Variants in AUTS2 observed in about 807,000 individuals in gnomAD.
AUTS2 encodes activator of transcription and developmental regulator AUTS2.
Under a neutral mutation model 112.4 loss-of-function variants are expected in AUTS2, and 17 were observed. The observed-to-expected ratio is 0.15, with a 90% CI of 0.10 to 0.23. AUTS2 has a LOEUF of 0.23. Ranked by LOEUF, AUTS2 falls within the 10% of genes least tolerant of loss-of-function variation. The probability of loss-of-function intolerance (pLI) is 1.00; values close to 1 mark genes in which losing one functional copy is unlikely to be tolerated. For missense variants in AUTS2, 1,510 were observed against 1,701.6 expected (o/e 0.89, Z 1.98); for synonymous variants, 751 against 702.7 (o/e 1.07, Z -1.09).
intron 5 of AUTS2, among the ~76,000 whole-genome samples, chr7:70,460,338 CTTTTTTTTTTTTTT>C (rs10537541): frequency 1.0e-4 from 4 of 38,184 alleles, no homozygotes; most frequent in Non-Finnish European, 1.8e-4. Flanking sequence ...ACAGCCTGGT[CTTTTTTTTTTTTTT>C]TTTTTTTTTT....
intron 5 of AUTS2, among the ~76,000 whole-genome samples, chr7:70,449,577 C>T (rs1796447700): frequency 1.3e-5 from 2 of 152,178 alleles, no homozygotes; most frequent in Admixed American, 1.3e-4. Flanking sequence ...ATCTTCCTGC[C>T]ATTTGGATGA....
intron 5 of AUTS2, among the ~76,000 whole-genome samples, chr7:70,618,854 A>G (rs1359849227): frequency 2.0e-5 from 3 of 152,218 alleles, no homozygotes; most frequent in Non-Finnish European, 4.4e-5. Flanking sequence ...TTGTTAGAAC[A>G]TTGGCACTGC....
At chr7:70,474,981 C>T (rs1415376194) in intron 5 of AUTS2, among the ~76,000 whole-genome samples, 1 of 152,168 alleles carries the variant, frequency 6.6e-6, no homozygotes, top group Non-Finnish European at 1.5e-5. Flanking sequence ...AATCAGGTTA[C>T]CCTAGAGGGC....
At chr7:70,725,529 T>G (rs1786976388) in intron 6 of AUTS2, among the ~76,000 whole-genome samples, 1 of 152,214 alleles carries the variant, frequency 6.6e-6, no homozygotes, top group Non-Finnish European at 1.5e-5. Context: ...TTTTTGCAAC[T>G]GCCTAAGGAT....
chr7:69,935,423 G>T (rs906906218), intron 2 of AUTS2, among the ~76,000 whole-genome samples: 5 of 152,244 alleles, frequency 3.3e-5, no homozygotes, highest in East Asian at 1.9e-4. Context: ...ATTTTTTTAG[G>T]AAGCATTATT....
chr7:70,764,899 A>T lies in AUTS2; in HGVS notation c.1362A>T (p.Ser454=). ...FTPTLQPPAH[S]HHPNMFAPPT... ...CCACCCTCCAGCCCCCCGCACACTC[A>T]CATCACCCCAATATGTTTGCCCCTC... The change falls in exon 8 of 19, where the codon TCA becomes TCT. Residue 454 remains serine (S), a synonymous_variant. Transcript: ENST00000342771. The T allele has an allele frequency of 6.6e-7, 1 of 1,506,062 alleles. No individual in the cohort carries two copies. Among genetic ancestry groups the T allele is most frequent in the East Asian group, 2.6e-5 (1 of 38,428 alleles). 93.3% of individuals were successfully genotyped at this position (1,506,062 alleles called of 1,614,324 possible). A position where few individuals can be genotyped will look rare whatever the true frequency, so the allele number is the denominator to read the frequency against.
chr7:69,790,420 A>G (rs575206263), intron 1 of AUTS2, among the ~76,000 whole-genome samples: 1 of 152,320 alleles, frequency 6.6e-6, no homozygotes, highest in South Asian at 2.1e-4. Context: ...TGACAATGGG[A>G]GGAGAGGGAG....
chr7:69,794,992 C>G (rs569839849), intron 1 of AUTS2, among the ~76,000 whole-genome samples: 186 of 152,310 alleles, frequency 1.2e-3, no homozygotes, highest in African/African-American at 4.2e-3. Context: ...TGGAGCCGAT[C>G]TTCTTGAGTT....
intron 3 of AUTS2, among the ~76,000 whole-genome samples, chr7:70,122,986 C>T (rs1805767047): frequency 6.6e-6 from 1 of 151,250 alleles, no homozygotes; most frequent in Non-Finnish European, 1.5e-5. Context: ...AGCGATTCTC[C>T]TGCCTCAGCC....
At chr7:70,442,089 A>G (rs1415211157) in intron 5 of AUTS2, among the ~76,000 whole-genome samples, 3 of 152,184 alleles carry the variant, frequency 2.0e-5, no homozygotes, top group Non-Finnish European at 4.4e-5. Flanking sequence ...AGAAAGGAAT[A>G]TCTCCACCTT....
At chr7:70,329,995 G>C (rs1420918755) in intron 4 of AUTS2, among the ~76,000 whole-genome samples, 2 of 152,126 alleles carry the variant, frequency 1.3e-5, no homozygotes, top group African/African-American at 2.4e-5. Context: ...GAAGCCTCTT[G>C]TATAAAGGCC....
chr7:70,417,584 C>G (rs994684999), intron 4 of AUTS2, among the ~76,000 whole-genome samples: 1 of 152,186 alleles, frequency 6.6e-6, no homozygotes, highest in Non-Finnish European at 1.5e-5. Flanking sequence ...CTTACATGTT[C>G]CTTTTCCAAG....
chr7:70,349,055 G>A (rs1791633107), intron 4 of AUTS2, among the ~76,000 whole-genome samples: 2 of 152,250 alleles, frequency 1.3e-5, no homozygotes, highest in Admixed American at 1.3e-4. Context: ...TCATCTAATT[G>A]CTCCAAACCC....
At chr7:70,156,613 T>C (rs1807776432) in intron 4 of AUTS2, among the ~76,000 whole-genome samples, 3 of 152,092 alleles carry the variant, frequency 2.0e-5, no homozygotes, top group Admixed American at 2.0e-4. Flanking sequence ...TAGTTGAGAA[T>C]GTTTGTGATT....
chr7:70,382,903 A>G (rs1337918541), intron 4 of AUTS2, among the ~76,000 whole-genome samples: 1 of 152,218 alleles, frequency 6.6e-6, no homozygotes, highest in Non-Finnish European at 1.5e-5. Flanking sequence ...TAATGAAAGT[A>G]AAAACCACCT....
At chr7:70,130,470 G>A (rs190533992) in intron 3 of AUTS2, among the ~76,000 whole-genome samples, 29 of 152,260 alleles carry the variant, frequency 1.9e-4, no homozygotes, top group Non-Finnish European at 3.8e-4. Flanking sequence ...AGGAGAACAA[G>A]TGTTTAATGA....
At chr7:70,085,573 G>A (rs1273809015) in intron 2 of AUTS2, among the ~76,000 whole-genome samples, 1 of 152,056 alleles carries the variant, frequency 6.6e-6, no homozygotes, top group Non-Finnish European at 1.5e-5. Context: ...CACCATGTTG[G>A]CCAGGCTGAT....
At chr7:70,714,108 AG>A (rs1415595677) in intron 6 of AUTS2, among the ~76,000 whole-genome samples, 2 of 152,176 alleles carry the variant, frequency 1.3e-5, no homozygotes, top group Non-Finnish European at 2.9e-5. Context: ...CACCACTCAA[AG>A]GTGTGAAATG....
intron 4 of AUTS2, among the ~76,000 whole-genome samples, chr7:70,318,509 G>C (rs1790105080): frequency 6.6e-6 from 1 of 152,040 alleles, no homozygotes. Context: ...TGAGCTTGAG[G>C]CTCAGAAGGA....
Sources: allele counts gnomAD v4.1 joint callset (sites outside exome capture counted in the v4.1 genomes callset), GRCh38; gene constraint gnomAD v4.1.1; transcripts MANE v1.5; gene names NCBI Gene and HGNC (gene_info 2026-07-23, HGNC 2026-07-21).